The following PLXDC2 variants were observed in gnomAD, a reference collection of about 807,000 sequenced individuals.
The protein encoded by PLXDC2 is plexin domain-containing protein 2.
Under a neutral mutation model 68.9 loss-of-function variants are expected in PLXDC2, and 40 were observed. The ratio of observed to expected loss-of-function variants is 0.58; its 90% CI spans 0.45 to 0.76. The LOEUF is 0.76. Ranked by LOEUF, PLXDC2 falls within the 30% of genes least tolerant of loss-of-function variation. The pLI, the probability that PLXDC2 is intolerant of heterozygous loss-of-function variation, is 0.00. For missense variants in PLXDC2, 644 were observed against 661.9 expected (o/e 0.97, Z 0.30); for synonymous variants, 243 against 234.2 (o/e 1.04, Z -0.34).
At chr10:20,012,345 A>T (rs12254758) in intron 2 of PLXDC2, among the ~76,000 whole-genome samples, 111,220 of 111,360 alleles carry the variant, frequency 1, 55,540 homozygotes, top group Middle Eastern at 1. Context: ...GGAGAAGGAG[A>T]CTTGCTGTGT....
chr10:20,003,225 A>G (rs1032214955), intron 2 of PLXDC2, among the ~76,000 whole-genome samples: 2 of 152,216 alleles, frequency 1.3e-5, no homozygotes. Flanking sequence ...CAAAAAAGCG[A>G]AGACCACCCA....
intron 1 of PLXDC2, among the ~76,000 whole-genome samples, chr10:19,982,382 C>T (rs766545782): frequency 6.6e-6 from 1 of 152,132 alleles, no homozygotes; most frequent in Non-Finnish European, 1.5e-5. Context: ...CAGTATCCTC[C>T]GTCAAACACC....
chr10:20,189,027 A>AAATACAGTGAGGT (rs1834723400), intron 9 of PLXDC2, among the ~76,000 whole-genome samples: 3 of 131,514 alleles, frequency 2.3e-5, no homozygotes, highest in Non-Finnish European at 3.7e-5. Flanking sequence ...TTCAAATTTT[A>AAATACAGTGAGGT]ATGAAGAATC....
intron 1 of PLXDC2, among the ~76,000 whole-genome samples, chr10:19,889,536 G>A (rs1837911574): frequency 6.6e-6 from 1 of 152,220 alleles, no homozygotes. Flanking sequence ...AACTTATTAA[G>A]TGACCACAAG....
At chr10:20,208,172 A>T (rs1467561626) in intron 9 of PLXDC2, among the ~76,000 whole-genome samples, 2 of 151,126 alleles carry the variant, frequency 1.3e-5, no homozygotes, top group Non-Finnish European at 1.5e-5. Context: ...GATATATTGT[A>T]TTAGTCCATT....
intron 1 of PLXDC2, among the ~76,000 whole-genome samples, chr10:19,999,823 C>G (rs968789501): frequency 6.6e-6 from 1 of 152,270 alleles, no homozygotes; most frequent in African/African-American, 2.4e-5. Flanking sequence ...TTGCCTAAAA[C>G]CGTAGGTCTC....
At chr10:19,884,464 C>T (rs1025579350) in intron 1 of PLXDC2, among the ~76,000 whole-genome samples, 1 of 151,996 alleles carries the variant, frequency 6.6e-6, no homozygotes, top group Admixed American at 6.5e-5. Flanking sequence ...TAACTCGTCA[C>T]CTAGCATTAG....
At chr10:19,871,895 A>AC (rs1394593220) in intron 1 of PLXDC2, among the ~76,000 whole-genome samples, 1 of 151,958 alleles carries the variant, frequency 6.6e-6, no homozygotes, top group Non-Finnish European at 1.5e-5. Context: ...AAAAAAAAAA[A>AC]AAAACACAAA....
chr10:20,024,269 T>G (rs929021366), intron 2 of PLXDC2, among the ~76,000 whole-genome samples: 11 of 152,222 alleles, frequency 7.2e-5, no homozygotes, highest in Admixed American at 7.2e-4. Context: ...TGTGTTGAAT[T>G]TGATAAATGA....
chr10:20,267,701 A>G (rs2183982), intron 13 of PLXDC2, among the ~76,000 whole-genome samples: 1 of 151,810 alleles, frequency 6.6e-6, no homozygotes, highest in Non-Finnish European at 1.5e-5. Context: ...AAAAGAACAA[A>G]TGACCTAAAT....
intron 1 of PLXDC2, among the ~76,000 whole-genome samples, chr10:19,970,780 G>A (rs1380703172): frequency 6.6e-6 from 1 of 152,136 alleles, no homozygotes; most frequent in Non-Finnish European, 1.5e-5. Flanking sequence ...TGCAACATCC[G>A]GGCAGCACCT....
intron 13 of PLXDC2, among the ~76,000 whole-genome samples, chr10:20,257,997 C>CTTTTTTTTTTTTT (rs550997528): frequency 7.1e-4 from 60 of 84,302 alleles, no homozygotes; most frequent in East Asian, 2.0e-3. Flanking sequence ...TTTTTTCTTT[C>CTTTTTTTTTTTTT]TTTTTTTTTT....
intron 1 of PLXDC2, among the ~76,000 whole-genome samples, chr10:19,970,154 T>C (rs1834326563): frequency 6.6e-6 from 1 of 152,220 alleles, no homozygotes; most frequent in Admixed American, 6.5e-5. Flanking sequence ...CATTATTCTC[T>C]TCTCTAAAAT....
chr10:20,248,748 T>A (rs11011901), intron 13 of PLXDC2, among the ~76,000 whole-genome samples: 2 of 152,198 alleles, frequency 1.3e-5, no homozygotes, highest in East Asian at 3.9e-4. Flanking sequence ...GTTTGTGATA[T>A]GCAGACGCGT....
chr10:20,240,087 T>C (rs189457343), intron 12 of PLXDC2, among the ~76,000 whole-genome samples: 1 of 152,298 alleles, frequency 6.6e-6, no homozygotes, highest in Non-Finnish European at 1.5e-5. Context: ...TGCCTCCCTC[T>C]ATCCTCAAGT....
intron 2 of PLXDC2, among the ~76,000 whole-genome samples, chr10:20,005,159 C>T (rs561479651): frequency 3.3e-5 from 5 of 152,274 alleles, no homozygotes; most frequent in South Asian, 4.1e-4. Context: ...CTAGGCTTGA[C>T]GTTGCTCTTT....
chr10:20,106,290 G>A (rs1833490356), intron 4 of PLXDC2, among the ~76,000 whole-genome samples: 1 of 152,242 alleles, frequency 6.6e-6, no homozygotes, highest in Non-Finnish European at 1.5e-5. Context: ...AGTAGGCAGA[G>A]CCACTGCTGC....
chr10:20,210,047 A>G (rs1224286898), intron 9 of PLXDC2, among the ~76,000 whole-genome samples: 1 of 152,198 alleles, frequency 6.6e-6, no homozygotes, highest in Non-Finnish European at 1.5e-5. Context: ...ACACATAAGT[A>G]CATGAGATTT....
At chr10:19,964,741 G>GT (rs140891892) in intron 1 of PLXDC2, among the ~76,000 whole-genome samples, 3,502 of 147,304 alleles carry the variant, frequency 0.024, 133 homozygotes, top group African/African-American at 0.079. Flanking sequence ...ATTTGTTTTT[G>GT]TTTTTTTTTT....
Sources: gnomAD v4.1 joint callset for allele counts (sites outside exome capture counted in the v4.1 genomes callset) on GRCh38, gnomAD v4.1.1 for gene constraint, MANE v1.5 for transcripts, NCBI Gene and HGNC (gene_info 2026-07-23, HGNC 2026-07-21) for gene names.